The following SLC25A33 variants were observed in gnomAD, a reference collection of about 807,000 sequenced individuals.
SLC25A33 encodes the protein solute carrier family 25 member 33.
A neutral mutation model predicts 35.5 loss-of-function variants in SLC25A33; 15 were observed. The observed-to-expected ratio is 0.42, with a 90% CI of 0.28 to 0.65. The LOEUF (loss-of-function observed/expected upper bound fraction) is 0.65. Among genes scored for constraint, SLC25A33 ranks in the 30% least tolerant of loss-of-function variants. The pLI is 0.20. For synonymous variants in SLC25A33, 136 were observed against 148.7 expected, an observed-to-expected ratio of 0.91 and a Z score of 0.62; for missense variants, 257 against 398.5, an observed-to-expected ratio of 0.64 and a Z score of 3.02.
chr1:9,569,559 T>C (rs1643560294), intron 3 of SLC25A33, among the ~76,000 whole-genome samples: 1 of 152,186 alleles, frequency 6.6e-6, no homozygotes, highest in Non-Finnish European at 1.5e-5. Flanking sequence ...ACAACAATGA[T>C]AAGTAGTTAA....
chr1:9,552,224 A>AT (rs796523623), intron 1 of SLC25A33, among the ~76,000 whole-genome samples: 148 of 148,256 alleles, frequency 1.0e-3, no homozygotes, highest in African/African-American at 2.5e-3. Context: ...GATTAATCAG[A>AT]TTTTTTTTTT....
intron 1 of SLC25A33, among the ~76,000 whole-genome samples, chr1:9,542,666 A>T (rs1475742507): frequency 6.6e-6 from 1 of 152,180 alleles, no homozygotes; most frequent in African/African-American, 2.4e-5. Context: ...AACGAAGTGC[A>T]CTTCCTTTGA....
At chr1:9,561,185 C>T (rs189441468) in intron 2 of SLC25A33, among the ~76,000 whole-genome samples, 4 of 152,216 alleles carry the variant, frequency 2.6e-5, no homozygotes, top group East Asian at 3.9e-4. Flanking sequence ...CCTTGTGATC[C>T]GCCCGCTTCG....
At chr1:9,553,524 C>T (rs1408729017) in intron 1 of SLC25A33, 102 bp from the exon 2 acceptor site, 43 of 1,378,332 alleles carry the variant, frequency 3.1e-5, no homozygotes, top group Non-Finnish European at 4.0e-5. Flanking sequence ...TGAGCCACCG[C>T]GCCCGGCACG....
chr1:9,541,998 A>T (rs1643092104), intron 1 of SLC25A33, among the ~76,000 whole-genome samples: 1 of 151,708 alleles, frequency 6.6e-6, no homozygotes, highest in African/African-American at 2.4e-5. Context: ...ACGGGGTTTA[A>T]CCGTGTTAGC....
At chr1:9,556,877 A>T (rs1467187679) in intron 2 of SLC25A33, among the ~76,000 whole-genome samples, 1 of 152,236 alleles carries the variant, frequency 6.6e-6, no homozygotes, top group Non-Finnish European at 1.5e-5. Flanking sequence ...TCATTGGTTA[A>T]TACAGCCACA....
At chr1:9,562,389 G>T (rs1220571727) in intron 2 of SLC25A33, among the ~76,000 whole-genome samples, 2 of 151,490 alleles carry the variant, frequency 1.3e-5, no homozygotes, top group Admixed American at 1.3e-4. Context: ...GGTGGCTGTT[G>T]TCTATAATCT....
chr1:9,551,749 A>G (rs1569848063), intron 1 of SLC25A33, among the ~76,000 whole-genome samples: 1 of 152,172 alleles, frequency 6.6e-6, no homozygotes, highest in African/African-American at 2.4e-5. Flanking sequence ...TGAAATCTCA[A>G]TTGAATAATT....
chr1:9,545,136 C>G (rs1357784866), intron 1 of SLC25A33, among the ~76,000 whole-genome samples: 1 of 152,056 alleles, frequency 6.6e-6, no homozygotes, highest in African/African-American at 2.4e-5. Context: ...AAATACAAAA[C>G]TTCAGTTTTG....
At chr1:9,540,048 C>T (rs1263477444) in intron 1 of SLC25A33, among the ~76,000 whole-genome samples, 1 of 152,090 alleles carries the variant, frequency 6.6e-6, no homozygotes, top group East Asian at 1.9e-4. Flanking sequence ...GTGAGTGGTG[C>T]TCGGCGGCGG....
intron 2 of SLC25A33, 45 bp from the exon 3 acceptor site, chr1:9,567,239 C>A (rs1465162252): frequency 2.6e-6 from 4 of 1,512,608 alleles, no homozygotes; most frequent in Admixed American, 1.7e-5. Context: ...TTTTAATAGG[C>A]CTTGCCTGAG....
chr1:9,552,323 C>T (rs1386276454), intron 1 of SLC25A33, among the ~76,000 whole-genome samples: 1 of 152,144 alleles, frequency 6.6e-6, no homozygotes, highest in Non-Finnish European at 1.5e-5. Flanking sequence ...TCAAGCTATT[C>T]TCCTGCCTCA....
In SLC25A33 at chr1:9,578,089, T is replaced by C. The variant is rs1046280502; in HGVS notation, c.483-1865T>C. On this transcript the variant is annotated intron_variant, in intron 5 of 6. Transcript: ENST00000302692. This position sits in a 1 kb window ranked among gnomAD's most constrained non-coding sequence, Gnocchi z 4.3. Reference sequence around the variant, plus strand: ...CCCGCCACCATGCCCGGCTAATTTTTTGTATTTTTTAGTAGAGACGGGGTT... The same window carrying C: ...CCCGCCACCATGCCCGGCTAATTTTCTGTATTTTTTAGTAGAGACGGGGTT... Among the ~76,000 whole-genome samples, 5 of 152,238 alleles carry C rather than the reference T, an allele frequency of 3.3e-5. No homozygotes were observed. In the East Asian group the frequency reaches 9.6e-4, roughly 29 times the overall value.
At chr1:9,552,388 C>A (rs2100378853) in intron 1 of SLC25A33, among the ~76,000 whole-genome samples, 1 of 152,026 alleles carries the variant, frequency 6.6e-6, no homozygotes, top group East Asian at 1.9e-4. Flanking sequence ...CTACACCTGG[C>A]TAATTTTTGT....
At chr1:9,573,128 T>A (rs74051551) in intron 4 of SLC25A33, among the ~76,000 whole-genome samples, 2,773 of 152,086 alleles carry the variant, frequency 0.018, 99 homozygotes, top group African/African-American at 0.063. Flanking sequence ...TCTAGAAAAT[T>A]AAGAGAAATT....
intron 5 of SLC25A33, among the ~76,000 whole-genome samples, chr1:9,577,880 A>G (rs1243655256): frequency 6.6e-6 from 1 of 152,172 alleles, no homozygotes; most frequent in East Asian, 1.9e-4. Context: ...CAAACTGAAT[A>G]GTTTAGCCCC....
rs565815467 is a variant in SLC25A33, at chr1:9,562,270, C to G, written c.237-5014C>G. 7.9e-4 allele frequency among the ~76,000 whole-genome samples: 120 copies of G among 151,166 alleles called. 1 individual carries two copies. The highest frequency in any genetic ancestry group is 7.2e-3 in the Admixed American group (109 of 15,158). On this transcript the variant is annotated intron_variant, in intron 2 of 6. Coordinates refer to ENST00000302692, the MANE Select transcript of SLC25A33 (RefSeq NM_032315.3). ...GGCTGAGGAAGGAGAATCACTTGAG[C>G]CTGGGAGGCGGAGGCTGCAGTGAGC...
At chr1:9,565,481 A>G (rs1569863314) in intron 2 of SLC25A33, among the ~76,000 whole-genome samples, 1 of 150,546 alleles carries the variant, frequency 6.6e-6, no homozygotes, top group Non-Finnish European at 1.5e-5. Context: ...ATGCCACTGC[A>G]CTCCAGCCTG....
intron 5 of SLC25A33, among the ~76,000 whole-genome samples, chr1:9,579,502 G>A (rs1643708029): frequency 6.6e-6 from 1 of 151,636 alleles, no homozygotes. Context: ...GACATCGCAA[G>A]GATACAGAAG....
Sources: gnomAD v4.1 joint callset for allele counts (sites outside exome capture counted in the v4.1 genomes callset) on GRCh38, gnomAD v4.1.1 for gene constraint, Gnocchi (gnomAD v3.1) non-coding constraint, MANE v1.5 for transcripts, NCBI Gene and HGNC (gene_info 2026-07-23, HGNC 2026-07-21) for gene names.